The following ST7 variants were observed in gnomAD, a reference collection of about 807,000 sequenced individuals.
ST7 encodes the protein suppressor of tumorigenicity 7 protein.
Under a neutral mutation model 78.7 loss-of-function variants are expected in ST7, and 28 were observed. That is an observed-to-expected ratio of 0.36 (90% CI 0.26 to 0.49). ST7 has a LOEUF of 0.49. ST7 is among the 20% of genes least tolerant of loss of function. The probability of loss-of-function intolerance (pLI) is 0.99; values close to 1 mark genes in which losing one functional copy is unlikely to be tolerated. For synonymous variants in ST7, 247 were observed against 249.6 expected (o/e 0.99, Z 0.10); for missense variants, 418 against 696.0 (o/e 0.60, Z 4.49).
chr7:116,977,407 C>T (rs964610406), intron 1 of ST7, among the ~76,000 whole-genome samples: 3 of 152,062 alleles, frequency 2.0e-5, no homozygotes, highest in Admixed American at 6.5e-5. Flanking sequence ...AATGTGGAGG[C>T]AGGTCTTGCT....
chr7:117,137,314 A>C (rs918444343), intron 8 of ST7: 1 of 152,154 alleles, frequency 6.6e-6, no homozygotes, highest in African/African-American at 2.4e-5. Flanking sequence ...TCTGCAGCAT[A>C]TATATGCTAA....
chr7:116,957,175 C>T lies in ST7; in HGVS notation c.151+3484C>T, dbSNP rs115498411. The T allele has an allele frequency of 9.6e-3, 1,485 of 155,078 alleles. 32 individuals are homozygous for T. The highest frequency in any genetic ancestry group is 0.034 in the African/African-American group (1,402 of 41,532). 9.6% of individuals were successfully genotyped at this position (155,078 alleles called of 1,614,324 possible). On this transcript the variant is annotated intron_variant, in intron 1 of 15. Coordinates refer to ENST00000323984, the MANE Select transcript of ST7 (RefSeq NM_001369598.1). ...CCACCAGCTTGGCTCGTGTGACCTT[C>T]GTTGCATTGAGCCAGTGCCATTTAG...
intron 1 of ST7, chr7:116,966,026 G>T (rs1427305358): frequency 2.3e-6 from 1 of 439,210 alleles, no homozygotes; most frequent in Non-Finnish European, 4.6e-6. Context: ...TGCCCACCTG[G>T]CCATTGGTTC....
intron 11 of ST7, among the ~76,000 whole-genome samples, chr7:117,189,797 C>G (rs1336295806): frequency 6.6e-6 from 1 of 152,186 alleles, no homozygotes; most frequent in Non-Finnish European, 1.5e-5. Flanking sequence ...ATGGTCATCT[C>G]TCATTCTTTG....
intron 1 of ST7, among the ~76,000 whole-genome samples, chr7:116,988,711 A>G (rs1360060303): frequency 1.3e-5 from 2 of 152,238 alleles, no homozygotes; most frequent in African/African-American, 2.4e-5. Context: ...AGCATAAATC[A>G]TAATCTATAA....
At chr7:117,216,053 T>A (rs555876408) in intron 13 of ST7, among the ~76,000 whole-genome samples, 1 of 152,182 alleles carries the variant, frequency 6.6e-6, no homozygotes, top group East Asian at 1.9e-4. Flanking sequence ...TATCCATCCT[T>A]TTGTCATTTC....
intron 1 of ST7, among the ~76,000 whole-genome samples, chr7:117,013,013 CTCT>C (rs1456018389): frequency 1.3e-5 from 2 of 152,064 alleles, no homozygotes; most frequent in African/African-American, 4.8e-5. Flanking sequence ...AAATATCTGT[CTCT>C]TAAGAATTAT....
chr7:117,061,263 T>C (rs1798340124), intron 1 of ST7, among the ~76,000 whole-genome samples: 1 of 152,180 alleles, frequency 6.6e-6, no homozygotes, highest in Non-Finnish European at 1.5e-5. Context: ...TGGCTTTTTT[T>C]CCTGCAGTCT....
intron 10 of ST7, among the ~76,000 whole-genome samples, chr7:117,175,120 C>A (rs927456930): frequency 2.0e-5 from 3 of 152,284 alleles, no homozygotes; most frequent in Non-Finnish European, 4.4e-5. Context: ...GGCTTTCCAT[C>A]TTCAATCAAC....
At chr7:117,006,813 T>C (rs1023011305) in intron 1 of ST7, among the ~76,000 whole-genome samples, 3 of 152,228 alleles carry the variant, frequency 2.0e-5, no homozygotes, top group African/African-American at 7.2e-5. Context: ...TTACAATATT[T>C]CAAACCTTTT....
At chr7:117,183,673 T>C (rs1808975612) in intron 10 of ST7, among the ~76,000 whole-genome samples, 1 of 152,218 alleles carries the variant, frequency 6.6e-6, no homozygotes, top group East Asian at 1.9e-4. Flanking sequence ...GCAAACTTCA[T>C]GCAACCACTT....
chr7:117,080,861 C>T (rs1408873326), intron 1 of ST7: 1 of 152,002 alleles, frequency 6.6e-6, no homozygotes, highest in Non-Finnish European at 1.5e-5. Context: ...ATTTTAATAC[C>T]AACCTTATTT....
chr7:117,020,518 C>T (rs952900354), intron 1 of ST7: 1 of 1,492,560 alleles, frequency 6.7e-7, no homozygotes, highest in African/African-American at 1.4e-5. Context: ...CATCTCTTCA[C>T]TCTCACATGT....
intron 1 of ST7, among the ~76,000 whole-genome samples, chr7:117,090,236 A>AACAC (rs551150596): frequency 2.1e-5 from 3 of 139,842 alleles, no homozygotes; most frequent in Non-Finnish European, 3.1e-5. Flanking sequence ...TAAGGATAGA[A>AACAC]ACACACACAC....
chr7:117,012,648 T>C (rs1185689511), intron 1 of ST7, among the ~76,000 whole-genome samples: 1 of 152,066 alleles, frequency 6.6e-6, no homozygotes, highest in Non-Finnish European at 1.5e-5. Flanking sequence ...ATAATCTATC[T>C]AGTAAGTAAG....
intron 9 of ST7, among the ~76,000 whole-genome samples, chr7:117,169,159 G>A (rs1376525061): frequency 1.1e-4 from 15 of 136,206 alleles, no homozygotes; most frequent in Admixed American, 3.9e-4. Context: ...TTTTTGAGAC[G>A]GAGTCTCACT....
intron 9 of ST7, among the ~76,000 whole-genome samples, chr7:117,151,315 CTT>C (rs1374986787): frequency 6.6e-6 from 1 of 152,206 alleles, no homozygotes; most frequent in African/African-American, 2.4e-5. Context: ...TTATGCTACT[CTT>C]TTTCTAACTC....
At chr7:117,042,357 A>T (rs1797273416) in intron 1 of ST7, among the ~76,000 whole-genome samples, 1 of 152,230 alleles carries the variant, frequency 6.6e-6, no homozygotes, top group Non-Finnish European at 1.5e-5. Context: ...ATATATTTGC[A>T]GCAGAAATTC....
intron 3 of ST7, among the ~76,000 whole-genome samples, chr7:117,129,402 C>T (rs1376803433): frequency 6.6e-6 from 1 of 151,770 alleles, no homozygotes; most frequent in Non-Finnish European, 1.5e-5. Context: ...TCATGTACAA[C>T]GTTATTATGA....
Sources: gnomAD v4.1 joint callset for allele counts (sites outside exome capture counted in the v4.1 genomes callset) on GRCh38, gnomAD v4.1.1 for gene constraint, MANE v1.5 for transcripts, NCBI Gene and HGNC (gene_info 2026-07-23, HGNC 2026-07-21) for gene names.